The following SUPT3H variants were observed in gnomAD, a reference collection of about 807,000 sequenced individuals.
The protein encoded by SUPT3H is transcription initiation protein SPT3 homolog.
In SUPT3H, 44 loss-of-function variants were observed where a neutral mutation model predicts 44.3. That is an observed-to-expected ratio of 0.99 (90% CI 0.78 to 1.28). SUPT3H has a LOEUF of 1.28. Ranked by LOEUF, SUPT3H falls within the 50% of genes most tolerant of loss-of-function variation. The pLI is 0.00. For missense variants in SUPT3H, 380 were observed against 387.1 expected (o/e 0.98, Z 0.15); for synonymous variants, 124 against 125.6 (o/e 0.99, Z 0.09).
At chr6:45,088,173 GA>G (rs1562434014) in intron 3 of SUPT3H, among the ~76,000 whole-genome samples, 1 of 152,160 alleles carries the variant, frequency 6.6e-6, no homozygotes, top group East Asian at 1.9e-4. Flanking sequence ...AAGGAACAAG[GA>G]AACTCATGTT....
At chr6:45,366,224 T>C (rs1443635050) in intron 1 of SUPT3H, among the ~76,000 whole-genome samples, 2 of 152,224 alleles carry the variant, frequency 1.3e-5, no homozygotes, top group Admixed American at 6.5e-5. Flanking sequence ...GAACATATGA[T>C]AAAGTAAAGC....
At chr6:45,187,206 G>A (rs1199331390) in intron 2 of SUPT3H, among the ~76,000 whole-genome samples, 2 of 151,312 alleles carry the variant, frequency 1.3e-5, no homozygotes, top group Non-Finnish European at 2.9e-5. Flanking sequence ...CCAGAGGTCA[G>A]GAGCTCGGGA....
intron 5 of SUPT3H, among the ~76,000 whole-genome samples, chr6:45,005,903 A>T (rs1583011913): frequency 6.6e-6 from 1 of 152,132 alleles, no homozygotes; most frequent in South Asian, 2.1e-4. Flanking sequence ...ATATATTGAA[A>T]AAATTCATAG....
At chr6:44,958,880 T>TTTTTTTC (rs1775607740) in intron 7 of SUPT3H, among the ~76,000 whole-genome samples, 1 of 145,292 alleles carries the variant, frequency 6.9e-6, no homozygotes, top group African/African-American at 2.5e-5. Context: ...TGGTTTTTTT[T>TTTTTTTC]TTTTTTTTTT....
At chr6:44,904,575 A>G (rs1386785501) in intron 10 of SUPT3H, among the ~76,000 whole-genome samples, 2 of 152,224 alleles carry the variant, frequency 1.3e-5, no homozygotes, top group Admixed American at 6.5e-5. Flanking sequence ...AATCAATATC[A>G]TGAAAATGGC....
intron 6 of SUPT3H, among the ~76,000 whole-genome samples, chr6:44,976,155 A>C (rs1562179223): frequency 2.0e-5 from 3 of 152,130 alleles, no homozygotes; most frequent in African/African-American, 4.8e-5. Flanking sequence ...AGTTAACATA[A>C]AACAAAAGGA....
chr6:44,886,286 G>A (rs921921013), intron 10 of SUPT3H, among the ~76,000 whole-genome samples: 4 of 152,024 alleles, frequency 2.6e-5, no homozygotes, highest in South Asian at 4.2e-4. Context: ...GATACTCCTC[G>A]AGAAGAGCAA....
In SUPT3H at chr6:44,958,714, C is replaced by T. The variant is rs144817945; in HGVS notation, c.580+3039G>A. Among the ~76,000 whole-genome samples, 335 of 152,028 alleles carry T rather than the reference C, an allele frequency of 2.2e-3. 2 individuals carry two copies. The Middle Eastern group carries it at 0.031, about 14-fold the overall frequency. ...AGGGAATCATGTCTTAACAAGTTAA[C>T]TATCAGCTTACCATTTCCTACCCAA... On this transcript the variant is annotated intron_variant, in intron 7 of 10. Coordinates refer to ENST00000371459, the MANE Select transcript of SUPT3H (RefSeq NM_003599.4).
At chr6:44,841,261 A>G (rs1179645978) in intron 10 of SUPT3H, among the ~76,000 whole-genome samples, 2 of 152,234 alleles carry the variant, frequency 1.3e-5, no homozygotes, top group Non-Finnish European at 2.9e-5. Flanking sequence ...ACCCTGTTTT[A>G]GCCATTATTA....
chr6:45,047,564 A>T (rs1452161229), intron 3 of SUPT3H, among the ~76,000 whole-genome samples: 1 of 152,186 alleles, frequency 6.6e-6, no homozygotes, highest in East Asian at 1.9e-4. Context: ...GGTAGCAGCT[A>T]TAGAAAGAAG....
intron 2 of SUPT3H, among the ~76,000 whole-genome samples, chr6:45,211,183 C>G (rs1764024173): frequency 6.6e-6 from 1 of 151,976 alleles, no homozygotes; most frequent in Non-Finnish European, 1.5e-5. Context: ...AAGTTACAAG[C>G]AAATACTTAC....
chr6:45,289,122 T>A (rs945334487), intron 2 of SUPT3H, among the ~76,000 whole-genome samples: 3 of 152,194 alleles, frequency 2.0e-5, no homozygotes, highest in Non-Finnish European at 4.4e-5. Context: ...TGTTTAACCA[T>A]CTTGCATATC....
chr6:44,990,252 T>C (rs773382796), intron 6 of SUPT3H, among the ~76,000 whole-genome samples: 4 of 152,118 alleles, frequency 2.6e-5, no homozygotes, highest in African/African-American at 9.7e-5. Flanking sequence ...CTTTCCCCAT[T>C]GTGCATTCTT....
intron 2 of SUPT3H, among the ~76,000 whole-genome samples, chr6:45,293,491 G>A (rs1285479982): frequency 1.3e-5 from 2 of 151,100 alleles, no homozygotes; most frequent in Admixed American, 6.6e-5. Flanking sequence ...CAAGATCAGA[G>A]CAGAACTAAA....
chr6:45,258,571 C>T (rs896537351), intron 2 of SUPT3H, among the ~76,000 whole-genome samples: 5 of 152,096 alleles, frequency 3.3e-5, no homozygotes, highest in Middle Eastern at 3.2e-3. Context: ...GCTTCCATTG[C>T]GCTAGTGTTA....
chr6:45,336,530 C>T (rs577836342), intron 2 of SUPT3H, among the ~76,000 whole-genome samples: 1 of 151,358 alleles, frequency 6.6e-6, no homozygotes, highest in Non-Finnish European at 1.5e-5. Context: ...TCAAGATACA[C>T]TTAAATATTT....
At chr6:45,047,122 T>C (rs1046298216) in intron 3 of SUPT3H, among the ~76,000 whole-genome samples, 1 of 152,356 alleles carries the variant, frequency 6.6e-6, no homozygotes, top group East Asian at 1.9e-4. Flanking sequence ...TAGGATTTTC[T>C]AGCTATATGA....
intron 2 of SUPT3H, among the ~76,000 whole-genome samples, chr6:45,111,943 G>A (rs1015479686): frequency 4.6e-5 from 7 of 152,066 alleles, no homozygotes; most frequent in African/African-American, 1.5e-4. Flanking sequence ...TATTCTGGCC[G>A]TCAGCTACAA....
intron 3 of SUPT3H, among the ~76,000 whole-genome samples, chr6:45,101,671 T>C (rs1421138603): frequency 2.6e-5 from 4 of 152,152 alleles, no homozygotes; most frequent in Non-Finnish European, 4.4e-5. Flanking sequence ...AAAGAAATCA[T>C]AAATGTTTAA....
Sources: allele counts gnomAD v4.1 joint callset (sites outside exome capture counted in the v4.1 genomes callset), GRCh38; gene constraint gnomAD v4.1.1; transcripts MANE v1.5; gene names NCBI Gene and HGNC (gene_info 2026-07-23, HGNC 2026-07-21).